Variants in SUSD5 observed in about 807,000 individuals in gnomAD.
The protein encoded by SUSD5 is sushi domain containing 5, also known as sushi domain-containing protein 5.
A neutral mutation model predicts 29.5 loss-of-function variants in SUSD5; 33 were observed. The observed-to-expected ratio is 1.12, with a 90% confidence interval of 0.85 to 1.49. The LOEUF (loss-of-function observed/expected upper bound fraction) is 1.49, where lower values mean the gene tolerates loss of function less well. Among genes scored for constraint, SUSD5 ranks in the 40% most tolerant of loss-of-function variants. SUSD5 has a pLI of 0.00. For synonymous variants in SUSD5, 308 were observed against 325.3 expected (o/e 0.95, Z 0.57); for missense variants, 776 against 800.6 (o/e 0.97, Z 0.37).
chr3:33,218,784 C>T lies in SUSD5; in HGVS notation c.14G>A (p.Gly5Glu). Residue 5 changes from glycine (G) to glutamate (E), a missense_variant, in exon 1 of 5, where the codon GGA becomes GAA. Physicochemically the swap from Gly to Glu is moderately conservative, Grantham distance 98 (BLOSUM62 -2). Coordinates refer to ENST00000309558, the MANE Select transcript of SUSD5 (RefSeq NM_015551.2). MTAEGPSPPARWHRR... is the reference protein window; with the variant it reads MTAEEPSPPARWHRR... ...GTGCCAACGGGCAGGCGGGCTGGGTCCCTCGGCAGTCATGGTCCGGGAGTG... is the reference window on the plus strand; with the variant it reads ...GTGCCAACGGGCAGGCGGGCTGGGTTCCTCGGCAGTCATGGTCCGGGAGTG... The T allele has an allele frequency of 6.9e-7, 1 of 1,443,522 alleles. No individual in the cohort carries two copies. The highest frequency in any genetic ancestry group is 9.1e-7 in the Non-Finnish European group (1 of 1,104,438). The allele number at this position is 1,443,522 out of a possible 1,614,324, so 89.4% of individuals were successfully genotyped here.
chr3:33,175,913 C>T (rs55912215), intron 3 of SUSD5, among the ~76,000 whole-genome samples: 23,262 of 152,168 alleles, frequency 0.15, 2,034 homozygotes, highest in South Asian at 0.28. Context: ...ATTCTATGGG[C>T]TTTGACAAAT....
chr3:33,157,385 G>C (rs957707858), intron 4 of SUSD5, among the ~76,000 whole-genome samples: 1 of 152,184 alleles, frequency 6.6e-6, no homozygotes, highest in Admixed American at 6.5e-5. Flanking sequence ...AAAATGAAAT[G>C]AATGCCACTA....
chr3:33,151,406 C>T lies in SUSD5; in HGVS notation c.*1336G>A, dbSNP rs1412754058. 1 of 152,246 alleles carries T rather than the reference C, an allele frequency of 6.6e-6. No homozygotes were observed. Among genetic ancestry groups the T allele is most frequent in the African/African-American group, 2.4e-5 (1 of 41,448 alleles). 9.4% of individuals were successfully genotyped at this position (152,246 alleles called of 1,614,324 possible). A position where few individuals can be genotyped will look rare whatever the true frequency, so the allele number is the denominator to read the frequency against. On this transcript the variant is annotated 3_prime_UTR_variant, in exon 5 of 5. Coordinates refer to ENST00000309558, the MANE Select transcript of SUSD5 (RefSeq NM_015551.2). ...GGTTACCCAACAGACAGGATGGATT[C>T]TGTTTCCACAGAGCTCCCAGTTTCC... is the stretch of plus-strand genomic sequence containing the variant.
intron 4 of SUSD5, among the ~76,000 whole-genome samples, chr3:33,157,149 T>G (rs2031073816): frequency 6.6e-6 from 1 of 152,188 alleles, no homozygotes; most frequent in African/African-American, 2.4e-5. Flanking sequence ...GACCCACTCC[T>G]TCATTCAACA....
chr3:33,178,132 A>C (rs978714694), intron 3 of SUSD5, among the ~76,000 whole-genome samples: 1 of 151,960 alleles, frequency 6.6e-6, no homozygotes, highest in African/African-American at 2.4e-5. Flanking sequence ...TTTTGTTTTT[A>C]GATGTTTTCT....
At chr3:33,155,054 T>C (rs1312398468) in intron 4 of SUSD5, among the ~76,000 whole-genome samples, 1 of 152,250 alleles carries the variant, frequency 6.6e-6, no homozygotes, top group Non-Finnish European at 1.5e-5. Context: ...CTTTTAAGGC[T>C]GTGGTATTGG....
chr3:33,211,418 C>T (rs1233148525), intron 2 of SUSD5, among the ~76,000 whole-genome samples: 1 of 152,140 alleles, frequency 6.6e-6, no homozygotes, highest in Admixed American at 6.5e-5. Context: ...AAAAATATTC[C>T]TACTTGACTA....
At chr3:33,201,268 T>C (rs61322203) in intron 3 of SUSD5, among the ~76,000 whole-genome samples, 1 of 151,958 alleles carries the variant, frequency 6.6e-6, no homozygotes, top group Admixed American at 6.5e-5. Flanking sequence ...TAGGCACACA[T>C]GTATATGTCT....
intron 3 of SUSD5, among the ~76,000 whole-genome samples, chr3:33,178,763 C>G (rs894593733): frequency 2.6e-5 from 4 of 152,076 alleles, no homozygotes; most frequent in African/African-American, 9.7e-5. Context: ...TTTGTAATGT[C>G]TTTGTTTGGT....
At position 33,177,898 on chromosome 3, in the gene SUSD5, A is replaced by C. The variant is rs1203781284; in HGVS notation, c.410-2824T>G. 4.6e-5 allele frequency among the ~76,000 whole-genome samples: 7 copies of C among 152,200 alleles called. No individual in the cohort carries two copies. The East Asian group carries it at 1.3e-3, about 29-fold the overall frequency. On this transcript the variant is annotated intron_variant, in intron 3 of 4. Transcript: ENST00000309558. Reference sequence around the variant, plus strand: ...TGTTGTTGATTCTTTCAGATTTTGTACATAGACAATCATGTTATCTGCAGA... The same window carrying C: ...TGTTGTTGATTCTTTCAGATTTTGTCCATAGACAATCATGTTATCTGCAGA...
chr3:33,192,961 G>C (rs950165195), intron 3 of SUSD5, among the ~76,000 whole-genome samples: 5 of 151,552 alleles, frequency 3.3e-5, no homozygotes, highest in Admixed American at 2.6e-4. Flanking sequence ...ATGTATGTTG[G>C]GTCTATTTTG....
At chr3:33,165,011 T>C (rs1441530917) in intron 4 of SUSD5, among the ~76,000 whole-genome samples, 1 of 140,326 alleles carries the variant, frequency 7.1e-6, no homozygotes, top group Non-Finnish European at 1.6e-5. Flanking sequence ...CACACACGTA[T>C]GATCCAGCAA....
intron 3 of SUSD5, among the ~76,000 whole-genome samples, chr3:33,193,137 G>T (rs778409976): frequency 5.3e-5 from 8 of 152,186 alleles, no homozygotes; most frequent in Non-Finnish European, 1.0e-4. Context: ...AGGCAGGCAT[G>T]AGTTCATGAA....
Position 33,150,205 on chromosome 3 carries a change from T to C in SUSD5, c.*2537A>G, listed in dbSNP as rs564231454. 2 of 152,310 alleles carry C rather than the reference T, an allele frequency of 1.3e-5. No individual in the cohort carries two copies. The highest frequency in any genetic ancestry group is 2.4e-5 in the African/African-American group (1 of 41,568). 9.4% of individuals were successfully genotyped at this position (152,310 alleles called of 1,614,324 possible). On this transcript the variant is annotated 3_prime_UTR_variant, in exon 5 of 5. Coordinates refer to ENST00000309558, the MANE Select transcript of SUSD5 (RefSeq NM_015551.2). Reference sequence around the variant, plus strand: ...ATCATTCCCTTTCAACATGAATTTTTAGATTCTATAACATTAATTTAGAGG... The same window carrying C: ...ATCATTCCCTTTCAACATGAATTTTCAGATTCTATAACATTAATTTAGAGG...
At chr3:33,173,894 G>A (rs1052735557) in intron 4 of SUSD5, among the ~76,000 whole-genome samples, 7 of 152,192 alleles carry the variant, frequency 4.6e-5, no homozygotes, top group African/African-American at 1.2e-4. Flanking sequence ...TGGCTGCTGC[G>A]TCCCTGTTGG....
chr3:33,199,329 A>G (rs888674450), intron 3 of SUSD5, among the ~76,000 whole-genome samples: 1 of 151,988 alleles, frequency 6.6e-6, no homozygotes, highest in Non-Finnish European at 1.5e-5. Flanking sequence ...GCTGGAGTGC[A>G]GTGGCACAAT....
chr3:33,212,960 T>C lies in SUSD5; in HGVS notation c.290+968A>G, dbSNP rs1425052796. On this transcript the variant is annotated intron_variant, in intron 2 of 4. Transcript: ENST00000309558. The stretch of plus-strand genomic sequence containing the variant: ...TCCTATACATATACATGCAGATGAG[T>C]ATCCACAGAAAAAAGGGATAAAGAA... 6.6e-5 allele frequency among the ~76,000 whole-genome samples: 10 copies of C among 152,196 alleles called. No individual in the cohort carries two copies. The East Asian group carries it at 1.9e-3, about 29-fold the overall frequency.
At chr3:33,159,706 T>C (rs1251031472) in intron 4 of SUSD5, among the ~76,000 whole-genome samples, 3 of 150,888 alleles carry the variant, frequency 2.0e-5, no homozygotes, top group Admixed American at 6.6e-5. Context: ...AACACACCCA[T>C]ACACACACAC....
chr3:33,190,764 A>G (rs2031873759), intron 3 of SUSD5, among the ~76,000 whole-genome samples: 1 of 152,334 alleles, frequency 6.6e-6, no homozygotes, highest in Non-Finnish European at 1.5e-5. Flanking sequence ...AGATCCTCCA[A>G]AAGGAACTCA....
Sources: allele counts gnomAD v4.1 joint callset (sites outside exome capture counted in the v4.1 genomes callset), GRCh38; gene constraint gnomAD v4.1.1; transcripts MANE v1.5; gene names NCBI Gene and HGNC (gene_info 2026-07-23, HGNC 2026-07-21).